The following ZNF469 variants were observed in gnomAD, a reference collection of about 807,000 sequenced individuals.
The protein encoded by ZNF469 is zinc finger protein 469.
Under a neutral mutation model 1.0 loss-of-function variants are expected in ZNF469, and 1 was observed. The ratio of observed to expected loss-of-function variants is 1.00; its 90% CI spans 0.35 to 4.73. ZNF469 has a LOEUF of 4.73. Among genes scored for constraint, ZNF469 ranks in the 30% most tolerant of loss-of-function variants. ZNF469 has a pLI of 0.16. For synonymous variants in ZNF469, 2,703 were observed against 2,363.4 expected, an observed-to-expected ratio of 1.14 and a Z score of -4.17; for missense variants, 6,100 against 5,356.3, an observed-to-expected ratio of 1.14 and a Z score of -4.33.
chr16:88,329,169 G>A, the ZNF469 span, among the ~76,000 whole-genome samples: 34 of 152,312 alleles, frequency 2.2e-4, no homozygotes, highest in African/African-American at 7.9e-4. Context: ...AGCCACAGAA[G>A]GTTCATGAGC....
the ZNF469 span, among the ~76,000 whole-genome samples, chr16:88,136,271 C>G: frequency 1.3e-5 from 2 of 152,242 alleles, no homozygotes; most frequent in African/African-American, 4.8e-5. Flanking sequence ...CTGCCCTCCT[C>G]CTCCTCATCC....
chr16:88,310,954 T>C, the ZNF469 span, among the ~76,000 whole-genome samples: 8 of 152,146 alleles, frequency 5.3e-5, no homozygotes, highest in South Asian at 2.1e-4. Flanking sequence ...CACTGATCCA[T>C]CCTCATTCAC....
At chr16:88,240,828 C>T in the ZNF469 span, among the ~76,000 whole-genome samples, 8 of 152,182 alleles carry the variant, frequency 5.3e-5, no homozygotes, top group Non-Finnish European at 1.2e-4. Flanking sequence ...TCCTTCCCGG[C>T]CCACTTCCCC....
chr16:88,306,782 TC>T, the ZNF469 span, among the ~76,000 whole-genome samples: 2 of 152,208 alleles, frequency 1.3e-5, no homozygotes, highest in Non-Finnish European at 2.9e-5. Context: ...TCCTTCCCTG[TC>T]CCCGCTTCTA....
chr16:88,162,988 G>C, the ZNF469 span, among the ~76,000 whole-genome samples: 1 of 152,178 alleles, frequency 6.6e-6, no homozygotes. Context: ...TGGATGGATG[G>C]GTGGGTGGAT....
At position 88,439,058 on chromosome 16, in the gene ZNF469, A is replaced by G; in HGVS notation, c.11588A>G (p.Lys3863Arg). ...AGCCGCGTGCTCCCGACCAAGCCCAAGCCCAACAGCCAGAACAAACCCAGG... is the reference window on the plus strand; with the variant it reads ...AGCCGCGTGCTCCCGACCAAGCCCAGGCCCAACAGCCAGAACAAACCCAGG... ...TPSRVLPTKP[K>R]PNSQNKPRPP... The change falls in exon 3 of 3, where the codon AAG becomes AGG. Residue 3863 changes from lysine to arginine, a missense_variant. Physicochemically the swap from Lys to Arg is conservative, Grantham distance 26. Coordinates refer to ENST00000565624, the MANE Select transcript of ZNF469 (RefSeq NM_001367624.2). The G allele has an allele frequency of 6.4e-7, 1 of 1,550,606 alleles. No homozygotes were observed. Among genetic ancestry groups the G allele is most frequent in the East Asian group, 2.4e-5 (1 of 40,920 alleles).
the ZNF469 span, among the ~76,000 whole-genome samples, chr16:88,349,312 G>T: frequency 1.3e-5 from 2 of 151,882 alleles, no homozygotes; most frequent in Non-Finnish European, 2.9e-5. Context: ...CACCACACAC[G>T]CTGCATGGGA....
chr16:88,293,810 C>T, the ZNF469 span, among the ~76,000 whole-genome samples: 5 of 152,102 alleles, frequency 3.3e-5, no homozygotes, highest in Non-Finnish European at 5.9e-5. Context: ...AGGACTGGGA[C>T]TGTGGGTGGG....
chr16:88,387,510 G>A (rs1217001448), intron 1 of ZNF469, among the ~76,000 whole-genome samples: 2 of 152,206 alleles, frequency 1.3e-5, no homozygotes, highest in African/African-American at 4.8e-5. Flanking sequence ...CAGAAAGTGA[G>A]ACCAGCGACA....
chr16:88,290,575 T>C, the ZNF469 span, among the ~76,000 whole-genome samples: 1 of 152,216 alleles, frequency 6.6e-6, no homozygotes, highest in Non-Finnish European at 1.5e-5. Context: ...TACAATTCTA[T>C]GTAAATAAAT....
the ZNF469 span, among the ~76,000 whole-genome samples, chr16:88,369,431 G>C: frequency 2.0e-5 from 3 of 152,162 alleles, no homozygotes. Flanking sequence ...GGGTCTGTGT[G>C]GCCTTCTCTC....
At chr16:88,102,997 G>A in the ZNF469 span, among the ~76,000 whole-genome samples, 73 of 152,380 alleles carry the variant, frequency 4.8e-4, 1 homozygote, top group Middle Eastern at 3.4e-3. Flanking sequence ...CTCTTTAGAC[G>A]TGGATAGTTT....
chr16:88,363,385 C>G, the ZNF469 span, among the ~76,000 whole-genome samples: 1 of 152,208 alleles, frequency 6.6e-6, no homozygotes. Context: ...AGACAGCAAG[C>G]ATTTAAGTTG....
the ZNF469 span, among the ~76,000 whole-genome samples, chr16:88,239,589 G>A: frequency 1.3e-3 from 187 of 143,504 alleles, no homozygotes; most frequent in African/African-American, 4.3e-3. Context: ...CCAGGTTCAC[G>A]CCATTCTCCT....
In ZNF469 at chr16:88,435,473, T is replaced by C. The variant is rs886052411; in HGVS notation, c.8003T>C (p.Met2668Thr). The change falls in exon 3 of 3, where the codon ATG (methionine) becomes ACG (threonine). Residue 2668 changes from methionine to threonine, a missense_variant. Coordinates refer to ENST00000565624, the MANE Select transcript of ZNF469 (RefSeq NM_001367624.2). ...CGCGGCTCCAGACCATCCCCTGCAA[T>C]GGCCAGTTACGCAGCCTCTCCGAGC... ...DGRGSRPSPA[M>T]ASYAASPSHC... 1 of 1,549,340 alleles carries C rather than the reference T, an allele frequency of 6.5e-7. No homozygotes were observed.
At chr16:88,101,061 C>G in the ZNF469 span, 2 of 217,570 alleles carry the variant, frequency 9.2e-6, no homozygotes, top group Admixed American at 1.1e-4. Flanking sequence ...CACGCCTGCT[C>G]GCTCCAGGGT....
chr16:88,427,662 G>C lies in ZNF469; in HGVS notation c.192G>C (p.Gln64His). 4 of 1,536,202 alleles carry C rather than the reference G, an allele frequency of 2.6e-6. No homozygotes were observed. Among genetic ancestry groups the C allele is most frequent in the Middle Eastern group, 1.7e-4 (1 of 5,916 alleles). The change falls in exon 3 of 3, where the codon CAG becomes CAC. Residue 64 changes from glutamine (Q) to histidine (H), a missense_variant. Gln to His is a conservative substitution (Grantham distance 24). Coordinates refer to ENST00000565624, the MANE Select transcript of ZNF469 (RefSeq NM_001367624.2). The stretch of plus-strand genomic sequence containing the variant: ...AGGCCATGGAGCTCCCCGAGGCCCA[G>C]CCAAGGCAGGCCAGGGACGGGGAGC... The part of the protein sequence containing the change: ...QAQAMELPEA[Q>H]PRQARDGELK...
chr16:88,351,999 GAC>G, the ZNF469 span, among the ~76,000 whole-genome samples: 2 of 152,202 alleles, frequency 1.3e-5, no homozygotes, highest in Non-Finnish European at 2.9e-5. Context: ...CGCTCACCAC[GAC>G]ACAGAGAAAC....
rs967698954 is a variant in ZNF469 at position 88,438,486 on chromosome 16, G to A, written c.11016G>A (p.Lys3672=). 1.3e-6 allele frequency: 2 copies of A among 1,550,126 alleles called. No homozygotes were observed. The highest frequency in any genetic ancestry group is 1.4e-5 in the African/African-American group (1 of 73,184). The change falls in exon 3 of 3, where the codon AAG becomes AAA. Residue 3672 remains lysine (K), a synonymous_variant. Transcript: ENST00000565624. ...CCTTCCACAAGGGCAGCGCCACCAA[G>A]CCTGCGGGCTGCCAGAGCTCATCAA... ...RGAFHKGSAT[K]PAGCQSSSKD...
Sources: allele counts gnomAD v4.1 joint callset (sites outside exome capture counted in the v4.1 genomes callset), GRCh38; gene constraint gnomAD v4.1.1; transcripts MANE v1.5; gene names NCBI Gene and HGNC (gene_info 2026-07-23, HGNC 2026-07-21).